LRRK2: variants seen among roughly 807,000 people sequenced by gnomAD.
The protein encoded by LRRK2 is leucine rich repeat kinase 2.
In LRRK2, 203 loss-of-function variants were observed where a neutral mutation model predicts 302.6. The ratio of observed to expected loss-of-function variants is 0.67; its 90% CI spans 0.60 to 0.75. The LOEUF (loss-of-function observed/expected upper bound fraction) is 0.75. Among genes scored for constraint, LRRK2 ranks in the 30% least tolerant of loss-of-function variants. The pLI, the probability that LRRK2 is intolerant of heterozygous loss-of-function variation, is 0.00. For synonymous variants in LRRK2, 1,066 were observed against 1,031.9 expected (o/e 1.03, Z -0.63); for missense variants, 2,830 against 2,951.0 (o/e 0.96, Z 0.95).
rs773857691 is a variant in LRRK2, at chr12:40,274,678, T to G, written c.1752T>G (p.Gly584=). 6.2e-6 allele frequency: 10 copies of G among 1,614,056 alleles called. No homozygotes were observed. In the Admixed American group the frequency reaches 1.7e-4, roughly 27 times the overall value. The part of the protein sequence containing the change: ...PDALEMLSLE[G]AMDSVLHTLQ... Reference sequence around the variant, plus strand: ...CATTAGAGATGTTATCCCTGGAAGGTGCTATGGATTCAGTGCTTCACACAC... The same window carrying G: ...CATTAGAGATGTTATCCCTGGAAGGGGCTATGGATTCAGTGCTTCACACAC... Residue 584 remains glycine (G), a synonymous_variant, in exon 15 of 51, where the codon GGT becomes GGG. Transcript: ENST00000298910.
Position 40,294,913 on chromosome 12 carries a change from CAGTA to C in LRRK2, c.2878+4_2878+7del, listed in dbSNP as rs1944320930. The C allele has an allele frequency of 6.6e-7, 1 of 1,513,770 alleles. No homozygotes were observed. Among genetic ancestry groups the C allele is most frequent in the Non-Finnish European group, 9.1e-7 (1 of 1,093,910 alleles). 93.8% of individuals were successfully genotyped at this position (1,513,770 alleles called of 1,614,324 possible). ...AAATATTATCTTCAGATGATTCACT[CAGTA>C]AGTATTTGGATGTAATCATAAGTAA... On this transcript the variant is annotated splice_donor_variant and splice_donor_region_variant and coding_sequence_variant and intron_variant, in exon 22 of 51. Transcript: ENST00000298910. LOFTEE classifies it high-confidence loss of function.
intron 25 of LRRK2, among the ~76,000 whole-genome samples, chr12:40,302,101 C>T (rs1335568398): frequency 6.6e-6 from 1 of 152,110 alleles, no homozygotes; most frequent in Admixed American, 6.5e-5. Context: ...TCTCTTGAAC[C>T]TGGGAGGCGG....
At chr12:40,293,894 C>CATATATATATATAT (rs1491426750) in intron 21 of LRRK2, among the ~76,000 whole-genome samples, 2,368 of 70,400 alleles carry the variant, frequency 0.034, 70 homozygotes, top group South Asian at 0.15. Flanking sequence ...TTTTTTGGGG[C>CATATATATATATAT]ACATATATAT....
Position 40,319,976 on chromosome 12 carries a change from CG to C in LRRK2, c.4828-11del. 6.2e-7 allele frequency: 1 copy of C among 1,604,456 alleles called. No homozygotes were observed. On this transcript the variant is annotated splice_polypyrimidine_tract_variant and intron_variant, in intron 33 of 50. Coordinates refer to ENST00000298910, the MANE Select transcript of LRRK2 (RefSeq NM_198578.4). ...TAAATTTTAGTGATTATTTATGACT[CG>C]AATCTTTCAGATTTTGACAGTGAAA...
Position 40,359,350 on chromosome 12 carries a change from A to G in LRRK2, c.6934A>G (p.Arg2312Gly), listed in dbSNP as rs1565780299. ...GAGTGAATCCACAAATTCAACGGAA[A>G]GAAATGTAATGTGGGGAGGATGTGG... ...CLSESTNSTE[R>G]NVMWGGCGTK... The change falls in exon 47 of 51, where the codon AGA becomes GGA. Residue 2312 changes from arginine to glycine, a missense_variant. This residue lies in a region of LRRK2 where 456 missense variants were observed against 456.3 expected (regional missense o/e 1.00). Transcript: ENST00000298910. The G allele has an allele frequency of 6.2e-7, 1 of 1,613,438 alleles. No individual in the cohort carries two copies. Among genetic ancestry groups the G allele is most frequent in the Non-Finnish European group, 8.5e-7 (1 of 1,179,634 alleles).
intron 11 of LRRK2, among the ~76,000 whole-genome samples, chr12:40,255,283 A>T (rs1304103694): frequency 2.0e-5 from 3 of 152,184 alleles, no homozygotes; most frequent in Non-Finnish European, 2.9e-5. Flanking sequence ...ATCAGAGGAG[A>T]TGAAGTTGTG....
intron 47 of LRRK2, among the ~76,000 whole-genome samples, chr12:40,362,888 A>G (rs1004615970): frequency 1.3e-5 from 2 of 152,082 alleles, no homozygotes; most frequent in African/African-American, 4.8e-5. Flanking sequence ...TTTGTTTTCT[A>G]TAATTTGACT....
chr12:40,361,213 C>T (rs1406366755), intron 47 of LRRK2, among the ~76,000 whole-genome samples: 1 of 137,384 alleles, frequency 7.3e-6, no homozygotes, highest in Non-Finnish European at 1.6e-5. Flanking sequence ...ATTATAAGTT[C>T]CCATGAATGA....
In LRRK2 at chr12:40,225,110, CG is replaced by C; in HGVS notation, c.-19del. The C allele has an allele frequency of 6.2e-7, 1 of 1,612,888 alleles. No homozygotes were observed. Among genetic ancestry groups the C allele is most frequent in the African/African-American group, 1.3e-5 (1 of 74,976 alleles). ...GCGGACGTTCATGCTGGGAGGGCGG[CG>C]GGTTGGAAGCAGGTGCCACCATGGC... On this transcript the variant is annotated 5_prime_UTR_variant, in exon 1 of 51. Coordinates refer to ENST00000298910, the MANE Select transcript of LRRK2 (RefSeq NM_198578.4).
Position 40,225,249 on chromosome 12 carries a change from G to T in LRRK2, c.118G>T (p.Glu40Ter). The T allele has an allele frequency of 6.2e-7, 1 of 1,614,134 alleles. No homozygotes were observed. The change falls in exon 1 of 51, where the codon GAG (glutamate) becomes TAG (stop). Residue 40 changes from glutamate to a stop codon, truncating the protein, a stop_gained. Transcript: ENST00000298910. LOFTEE classifies it high-confidence loss of function. ...GATAGAAACGCTGGTCCAAATCCTG[G>T]AGGATCTGCTGGTGTTCACGTACTC... is the stretch of plus-strand genomic sequence containing the variant. Reference protein sequence around the residue: ...KQIETLVQILEDLLVFTYSER... With the variant: ...KQIETLVQIL
chr12:40,347,905 C>T (rs894897951), intron 42 of LRRK2, among the ~76,000 whole-genome samples: 1 of 151,746 alleles, frequency 6.6e-6, no homozygotes, highest in African/African-American at 2.4e-5. Flanking sequence ...TGCAGTGAGC[C>T]GAGATTGCGC....
intron 5 of LRRK2, among the ~76,000 whole-genome samples, chr12:40,238,541 G>A (rs1941575776): frequency 2.6e-5 from 4 of 152,088 alleles, no homozygotes; most frequent in Admixed American, 2.6e-4. Flanking sequence ...TCATAGCCTG[G>A]CCCTGAGATT....
Position 40,243,580 on chromosome 12 carries a change from A to G in LRRK2, c.737A>G (p.Asn246Ser), listed in dbSNP as rs772088125. The G allele has an allele frequency of 6.2e-7, 1 of 1,612,014 alleles. No homozygotes were observed. The highest frequency in any genetic ancestry group is 8.5e-7 in the Non-Finnish European group (1 of 1,178,576). The change falls in exon 7 of 51, where the codon AAT (asparagine) becomes AGT (serine). Residue 246 changes from asparagine to serine, a missense_variant. By Grantham distance (46) the Asn-to-Ser change is conservative. This residue lies in a region of LRRK2 where 2,121 missense variants were observed against 2,148.0 expected (regional missense o/e 0.99). Transcript: ENST00000298910. Reference sequence around the variant, plus strand: ...AATGTGGAAGTCCTCATGAGTGGCAATGTCAGGTGTTATAATATTGTGGTG... The same window carrying G: ...AATGTGGAAGTCCTCATGAGTGGCAGTGTCAGGTGTTATAATATTGTGGTG... Reference protein sequence around the residue: ...CNNVEVLMSGNVRCYNIVVEA... With the variant: ...CNNVEVLMSGSVRCYNIVVEA...
At chr12:40,337,158 T>A (rs942879332) in intron 40 of LRRK2, among the ~76,000 whole-genome samples, 4 of 152,178 alleles carry the variant, frequency 2.6e-5, no homozygotes, top group Non-Finnish European at 4.4e-5. Context: ...ACTAAGTATA[T>A]TTTAAAAACT....
chr12:40,244,772 T>C (rs1466025954), intron 7 of LRRK2, among the ~76,000 whole-genome samples: 3 of 148,696 alleles, frequency 2.0e-5, no homozygotes, highest in Admixed American at 6.7e-5. Flanking sequence ...TTGGGAGATA[T>C]ACCTAATGCT....
chr12:40,354,498 G>T lies in LRRK2; in HGVS notation c.6770+6G>T. The T allele has an allele frequency of 6.2e-7, 1 of 1,612,916 alleles. No homozygotes were observed. Among genetic ancestry groups the T allele is most frequent in the Non-Finnish European group, 8.5e-7 (1 of 1,179,130 alleles). ...AATTCCTTTTCCAAGCAAAGGTATG[G>T]TAGTGAATTTGATCAATGGGGAAAT... On this transcript the variant is annotated splice_donor_region_variant and intron_variant, in intron 45 of 50. Coordinates refer to ENST00000298910, the MANE Select transcript of LRRK2 (RefSeq NM_198578.4).
intron 20 of LRRK2, among the ~76,000 whole-genome samples, chr12:40,290,583 A>G (rs1162287858): frequency 6.6e-6 from 1 of 152,032 alleles, no homozygotes; most frequent in Non-Finnish European, 1.5e-5. Context: ...ATGTATGATT[A>G]TTTTAATTTT....
chr12:40,225,139 G>C lies in LRRK2; in HGVS notation c.8G>C (p.Ser3Thr). 1 of 1,613,890 alleles carries C rather than the reference G, an allele frequency of 6.2e-7. No homozygotes were observed. Among genetic ancestry groups the C allele is most frequent in the Non-Finnish European group, 8.5e-7 (1 of 1,179,982 alleles). Residue 3 changes from serine to threonine, a missense_variant, in exon 1 of 51, where the codon AGT (serine) becomes ACT (threonine). This residue lies in a region of LRRK2 where 2,121 missense variants were observed against 2,148.0 expected (regional missense o/e 0.99). Coordinates refer to ENST00000298910, the MANE Select transcript of LRRK2 (RefSeq NM_198578.4). Reference sequence around the variant, plus strand: ...TTGGAAGCAGGTGCCACCATGGCTAGTGGCAGCTGTCAGGGGTGCGAAGAG... The same window carrying C: ...TTGGAAGCAGGTGCCACCATGGCTACTGGCAGCTGTCAGGGGTGCGAAGAG... MA[S>T]GSCQGCEEDE... is the part of the protein sequence containing the mutation.
Position 40,302,834 on chromosome 12 carries a change from C to A in LRRK2, c.3542C>A (p.Ser1181Tyr), listed in dbSNP as rs772754048. 3.7e-6 allele frequency: 6 copies of A among 1,611,078 alleles called. No individual in the cohort carries two copies. The East Asian group carries it at 1.3e-4, about 36-fold the overall frequency. The change falls in exon 26 of 51, where the codon TCT becomes TAT. Residue 1181 changes from serine (S) to tyrosine (Y), a missense_variant. Physicochemically the swap from Ser to Tyr is moderately radical, Grantham distance 144 (BLOSUM62 -2). Transcript: ENST00000298910. ...LPPSMTILKL[S>Y]QNKFSCIPEA... ...CCTTCTATGACAATCCTAAAATTATCTCAGAACAAATTTTCCTGTATTCCA... is the reference window on the plus strand; with the variant it reads ...CCTTCTATGACAATCCTAAAATTATATCAGAACAAATTTTCCTGTATTCCA...
Sources: allele counts gnomAD v4.1 joint callset (sites outside exome capture counted in the v4.1 genomes callset), GRCh38; gene constraint gnomAD v4.1.1; regional missense constraint gnomAD v4.1.1; transcripts MANE v1.5; gene names NCBI Gene and HGNC (gene_info 2026-07-23, HGNC 2026-07-21).